Variants in CSMD1 observed in about 807,000 individuals in gnomAD.
CSMD1 encodes CUB and Sushi multiple domains 1.
CSMD1 carries 213 observed loss-of-function variants against 417.5 expected under a neutral mutation model. The observed-to-expected ratio is 0.51, with a 90% CI of 0.46 to 0.57. CSMD1 has a LOEUF of 0.57. Among genes scored for constraint, CSMD1 ranks in the 20% least tolerant of loss-of-function variants. The pLI, the probability that CSMD1 is intolerant of heterozygous loss-of-function variation, is 0.00. For synonymous variants in CSMD1, 2,862 were observed against 1,736.8 expected (o/e 1.65, Z -16.11); for missense variants, 6,923 against 4,529.7 (o/e 1.53, Z -15.17).
intron 12 of CSMD1, among the ~76,000 whole-genome samples, chr8:3,416,707 G>A (rs1355498942): frequency 6.6e-6 from 1 of 152,116 alleles, no homozygotes; most frequent in African/African-American, 2.4e-5. Context: ...CATGTTGATG[G>A]CATGTCAGGC....
At chr8:2,954,977 T>C (rs887969248) in intron 64 of CSMD1, among the ~76,000 whole-genome samples, 2 of 152,196 alleles carry the variant, frequency 1.3e-5, no homozygotes, top group Admixed American at 1.3e-4. Context: ...GATTTATAAA[T>C]TACAAACAGG....
intron 52 of CSMD1, among the ~76,000 whole-genome samples, chr8:3,016,226 T>C (rs1808816678): frequency 1.3e-5 from 2 of 152,248 alleles, no homozygotes; most frequent in African/African-American, 4.8e-5. Flanking sequence ...ATTTGGATTA[T>C]GGAGGTATCC....
At chr8:3,602,379 G>A (rs569833655) in intron 8 of CSMD1, among the ~76,000 whole-genome samples, 20 of 152,234 alleles carry the variant, frequency 1.3e-4, no homozygotes, top group South Asian at 1.2e-3. Context: ...AAAGCAAAAT[G>A]AATCACCTGA....
chr8:4,391,169 A>G (rs912253939), intron 3 of CSMD1, among the ~76,000 whole-genome samples: 2 of 152,168 alleles, frequency 1.3e-5, no homozygotes, highest in African/African-American at 4.8e-5. Context: ...TATGGCAAGA[A>G]CTATTCTTCA....
chr8:4,057,526 T>C (rs1244940189), intron 3 of CSMD1, among the ~76,000 whole-genome samples: 4 of 152,142 alleles, frequency 2.6e-5, no homozygotes, highest in Non-Finnish European at 5.9e-5. Flanking sequence ...GTGCAGAAGC[T>C]CTTTAGTTTA....
intron 3 of CSMD1, among the ~76,000 whole-genome samples, chr8:4,082,112 T>C (rs1039722257): frequency 2.6e-5 from 4 of 152,130 alleles, no homozygotes; most frequent in Admixed American, 2.6e-4. Context: ...AGAAGAGATA[T>C]GTATTAACTA....
chr8:3,923,807 C>T (rs1353709898), intron 5 of CSMD1, among the ~76,000 whole-genome samples: 2 of 152,186 alleles, frequency 1.3e-5, no homozygotes, highest in African/African-American at 2.4e-5. Context: ...CACTGTTCTA[C>T]TCCCTGCGTC....
In CSMD1 at chr8:4,407,413, T is replaced by C. The variant is rs531365758; in HGVS notation, c.415+12540A>G. Among the ~76,000 whole-genome samples, 3 of 152,366 alleles carry C rather than the reference T, an allele frequency of 2.0e-5. No homozygotes were observed. In the East Asian group the frequency reaches 5.8e-4, roughly 29 times the overall value. ...AGAAGGCAACTTGTGTTTAGGTTGCTGCAAATTCAAACAATTGAATTAAAT... is the reference window on the plus strand; with the variant it reads ...AGAAGGCAACTTGTGTTTAGGTTGCCGCAAATTCAAACAATTGAATTAAAT... On this transcript the variant is annotated intron_variant, in intron 3 of 69. Coordinates refer to ENST00000635120, the MANE Select transcript of CSMD1 (RefSeq NM_033225.6).
chr8:3,226,956 T>A (rs78336280), intron 27 of CSMD1, among the ~76,000 whole-genome samples: 1 of 152,112 alleles, frequency 6.6e-6, no homozygotes, highest in Non-Finnish European at 1.5e-5. Context: ...AGTTCGACCT[T>A]ATTATTAATT....
At chr8:4,615,146 A>C (rs1482449835) in intron 2 of CSMD1, among the ~76,000 whole-genome samples, 1 of 152,188 alleles carries the variant, frequency 6.6e-6, no homozygotes, top group Non-Finnish European at 1.5e-5. Flanking sequence ...GAAGAGGAAA[A>C]AGCAACTACC....
chr8:3,953,415 T>C (rs182610787), intron 5 of CSMD1, among the ~76,000 whole-genome samples: 65 of 152,296 alleles, frequency 4.3e-4, no homozygotes, highest in Admixed American at 2.9e-3. Context: ...AATGAGTATA[T>C]AGAATGTTTC....
intron 2 of CSMD1, among the ~76,000 whole-genome samples, chr8:4,534,487 G>T (rs1796999854): frequency 6.6e-6 from 1 of 152,062 alleles, no homozygotes; most frequent in South Asian, 2.1e-4. Flanking sequence ...TTTTATTTCA[G>T]ATACAGCGGG....
chr8:4,298,588 T>C (rs1026986522), intron 3 of CSMD1, among the ~76,000 whole-genome samples: 5 of 152,268 alleles, frequency 3.3e-5, no homozygotes, highest in East Asian at 1.9e-4. Context: ...TTTACAAATA[T>C]TGATACACAT....
intron 4 of CSMD1, among the ~76,000 whole-genome samples, chr8:4,024,176 A>C (rs1389695536): frequency 6.6e-6 from 1 of 152,200 alleles, no homozygotes; most frequent in Non-Finnish European, 1.5e-5. Context: ...GTATTATTCC[A>C]GTTCATAAAT....
chr8:4,187,337 G>A (rs1166714745), intron 3 of CSMD1, among the ~76,000 whole-genome samples: 1 of 152,126 alleles, frequency 6.6e-6, no homozygotes, highest in Non-Finnish European at 1.5e-5. Flanking sequence ...GGTTTTAACT[G>A]ACACAGGTAA....
At chr8:4,404,821 G>A (rs906731550) in intron 3 of CSMD1, among the ~76,000 whole-genome samples, 1 of 152,134 alleles carries the variant, frequency 6.6e-6, no homozygotes, top group East Asian at 1.9e-4. Context: ...TACACAGTAA[G>A]TGAGGCAATA....
chr8:4,063,150 G>T (rs994893368), intron 3 of CSMD1, among the ~76,000 whole-genome samples: 3 of 152,108 alleles, frequency 2.0e-5, no homozygotes, highest in African/African-American at 4.8e-5. Flanking sequence ...ATGCCTAGAA[G>T]ATTTGGAAAT....
At chr8:3,396,881 G>GA (rs1019652894) in intron 16 of CSMD1, among the ~76,000 whole-genome samples, 28 of 148,936 alleles carry the variant, frequency 1.9e-4, no homozygotes, top group South Asian at 4.2e-4. Flanking sequence ...CACCTTTCCT[G>GA]AAAAAAAAAA....
chr8:3,386,563 T>A (rs1411207865), intron 18 of CSMD1, among the ~76,000 whole-genome samples: 2 of 152,226 alleles, frequency 1.3e-5, no homozygotes, highest in East Asian at 3.9e-4. Flanking sequence ...AACCCTGTTA[T>A]TTTGGGTGCT....
Sources: allele counts gnomAD v4.1 joint callset (sites outside exome capture counted in the v4.1 genomes callset), GRCh38; gene constraint gnomAD v4.1.1; transcripts MANE v1.5; gene names NCBI Gene and HGNC (gene_info 2026-07-23, HGNC 2026-07-21).